ZNF280D: variants seen among roughly 807,000 people sequenced by gnomAD.
ZNF280D encodes the protein zinc finger protein 280D, also known as suppressor of hairy wing homolog 4.
A neutral mutation model predicts 94.7 loss-of-function variants in ZNF280D; 39 were observed. The ratio of observed to expected loss-of-function variants is 0.41; its 90% CI spans 0.32 to 0.54. ZNF280D has a LOEUF of 0.54. Ranked by LOEUF, ZNF280D falls within the 20% of genes least tolerant of loss-of-function variation. The probability of loss-of-function intolerance (pLI) is 0.22; values close to 1 mark genes in which losing one functional copy is unlikely to be tolerated. For synonymous variants in ZNF280D, 398 were observed against 377.6 expected, an observed-to-expected ratio of 1.05 and a Z score of -0.63; for missense variants, 1,090 against 1,149.3, an observed-to-expected ratio of 0.95 and a Z score of 0.75.
intron 1 of ZNF280D, among the ~76,000 whole-genome samples, chr15:56,716,743 C>G (rs1318343875): frequency 1.3e-5 from 2 of 152,086 alleles, no homozygotes; most frequent in Non-Finnish European, 2.9e-5. Flanking sequence ...CTATTCTATA[C>G]TAATCAACAC....
At chr15:56,672,488 T>C (rs2140930038) in intron 13 of ZNF280D, among the ~76,000 whole-genome samples, 1 of 152,222 alleles carries the variant, frequency 6.6e-6, no homozygotes, top group Non-Finnish European at 1.5e-5. Context: ...ATTTATTGAT[T>C]TGCATATGTC....
intron 20 of ZNF280D, among the ~76,000 whole-genome samples, chr15:56,638,985 A>G (rs1445623296): frequency 6.6e-6 from 1 of 152,064 alleles, no homozygotes; most frequent in East Asian, 1.9e-4. Context: ...AAATACCAAA[A>G]AAAACAAAAA....
At chr15:56,653,726 T>C (rs2140677320) in intron 19 of ZNF280D, 7 of 1,316,628 alleles carry the variant, frequency 5.3e-6, no homozygotes, top group East Asian at 3.0e-5. Context: ...AACAGCCATA[T>C]AATTTGGAAT....
At chr15:56,678,937 A>G in intron 10 of ZNF280D, 116 bp from the exon 11 acceptor site, 3 of 970,152 alleles carry the variant, frequency 3.1e-6, no homozygotes, top group Non-Finnish European at 2.8e-6. Flanking sequence ...CAAACTCTCA[A>G]AAGTCTTAAA....
intron 9 of ZNF280D, 51 bp downstream of exon 9, chr15:56,688,990 T>A: frequency 8.1e-7 from 1 of 1,237,700 alleles, no homozygotes; most frequent in Non-Finnish European, 1.2e-6. Flanking sequence ...ATCATCAGTA[T>A]TTTTAGAAAT....
At chr15:56,689,505 T>A (rs1871861) in intron 7 of ZNF280D, 35 bp from the exon 8 acceptor site, 1,284,489 of 1,287,252 alleles carry the variant, frequency 1, 640,917 homozygotes, top group East Asian at 1. Context: ...AAATATTTTT[T>A]AAAATTAGAA....
rs561728339 is a variant in ZNF280D at position 56,631,090 on chromosome 15, C to A, written c.*408G>T. 6.2e-6 allele frequency: 1 copy of A among 162,188 alleles called. No homozygotes were observed. The highest frequency in any genetic ancestry group is 5.8e-5 in the Admixed American group (1 of 17,246). 10.0% of individuals were successfully genotyped at this position (162,188 alleles called of 1,614,324 possible). On this transcript the variant is annotated 3_prime_UTR_variant, in exon 22 of 22. Transcript: ENST00000267807. ...CCCCAAAAGTACATGGTTTCCAAAT[C>A]CCTTCCTCTCAGTTAACTGAAAAGG...
chr15:56,716,117 T>A (rs1596644475), intron 1 of ZNF280D, among the ~76,000 whole-genome samples: 1 of 152,054 alleles, frequency 6.6e-6, no homozygotes, highest in East Asian at 1.9e-4. Flanking sequence ...CAATCCCTCA[T>A]GAATACTAAG....
At chr15:56,729,643 T>G (rs1341744739) in intron 1 of ZNF280D, 1 of 152,218 alleles carries the variant, frequency 6.6e-6, no homozygotes, top group Non-Finnish European at 1.5e-5. Context: ...CAGAGTATAC[T>G]TTCATTGTAC....
chr15:56,678,906 T>C (rs1330501079), intron 10 of ZNF280D, 85 bp from the exon 11 acceptor site: 26 of 1,285,224 alleles, frequency 2.0e-5, no homozygotes, highest in Non-Finnish European at 2.1e-6. Flanking sequence ...ACCTAAATCT[T>C]AAAAATATAG....
chr15:56,685,867 T>C (rs917899023), intron 9 of ZNF280D, among the ~76,000 whole-genome samples: 2 of 152,156 alleles, frequency 1.3e-5, no homozygotes, highest in Non-Finnish European at 1.5e-5. Context: ...ATCTATCATA[T>C]TGGTAAATCT....
rs1223970756 is a variant in ZNF280D at position 56,701,290 on chromosome 15, T to G, written c.176-52A>C. ...ATACATTGTTTGAATGAAATACATATTAAGATAATAGAAATCATGAATTGA... is the reference window on the plus strand; with the variant it reads ...ATACATTGTTTGAATGAAATACATAGTAAGATAATAGAAATCATGAATTGA... On this transcript the variant is annotated intron_variant, in intron 4 of 21. Transcript: ENST00000267807. The G allele has an allele frequency of 1.1e-5, 13 of 1,198,884 alleles. No individual in the cohort carries two copies. In the African/African-American group the frequency reaches 2.0e-4, roughly 18 times the overall value. 74.3% of individuals were successfully genotyped at this position (1,198,884 alleles called of 1,614,324 possible).
intron 13 of ZNF280D, among the ~76,000 whole-genome samples, chr15:56,669,909 A>T (rs2054626896): frequency 1.5e-4 from 1 of 6,800 alleles, no homozygotes; most frequent in Non-Finnish European, 2.8e-4. Context: ...TATAATATAT[A>T]TATATTATAT....
chr15:56,708,806 T>A (rs795033), intron 1 of ZNF280D, among the ~76,000 whole-genome samples: 2 of 151,924 alleles, frequency 1.3e-5, no homozygotes, highest in African/African-American at 2.4e-5. Flanking sequence ...GCTAGCCATA[T>A]GTAGAAAGCT....
At position 56,731,468 on chromosome 15, in the gene ZNF280D, C is replaced by T. The variant is rs367787320; in HGVS notation, c.-86+1990G>A. 3.6e-4 allele frequency among the ~76,000 whole-genome samples: 47 copies of T among 131,562 alleles called. No homozygotes were observed. The South Asian group carries it at 8.8e-3, about 25-fold the overall frequency. 86.3% of individuals were successfully genotyped at this position (131,562 alleles called of 152,430 possible). ...GATGCAGCGAGCCAAGACTGCTCCA[C>T]AGCGCTCCATCCTGGGACACAGAGC... On this transcript the variant is annotated intron_variant, in intron 1 of 21. Transcript: ENST00000267807.
Position 56,706,958 on chromosome 15 carries a change from T to C in ZNF280D, c.28+124A>G, listed in dbSNP as rs917648950. 46 of 837,108 alleles carry C rather than the reference T, an allele frequency of 5.5e-5. No homozygotes were observed. The African/African-American group carries it at 7.3e-4, about 13-fold the overall frequency. The allele number at this position is 837,108 out of a possible 1,614,324, so 51.9% of individuals were successfully genotyped here. A position where few individuals can be genotyped will look rare whatever the true frequency, so the allele number is the denominator to read the frequency against. On this transcript the variant is annotated intron_variant, in intron 3 of 21. Transcript: ENST00000267807. ...TTACTTGTTTTTATGTGAACATTTGTTACTTTAACAATTTTAAGCATTTTT... is the reference window on the plus strand; with the variant it reads ...TTACTTGTTTTTATGTGAACATTTGCTACTTTAACAATTTTAAGCATTTTT...
intron 9 of ZNF280D, among the ~76,000 whole-genome samples, chr15:56,684,680 C>A (rs1421529373): frequency 6.8e-6 from 1 of 147,406 alleles, no homozygotes; most frequent in African/African-American, 2.5e-5. Flanking sequence ...GTAGACATTG[C>A]AAATAAAATA....
rs2052096247 is a variant in ZNF280D, at chr15:56,631,967, A to T, written c.2471T>A (p.Ile824Asn). The change falls in exon 22 of 22, where the codon ATC becomes AAC. Residue 824 changes from isoleucine (I) to asparagine (N), a missense_variant. Coordinates refer to ENST00000267807, the MANE Select transcript of ZNF280D (RefSeq NM_017661.4). ...LADQETGSKN[I>N]VSCDSNIGAD... The stretch of plus-strand genomic sequence containing the variant: ...ACCAATATTTGAATCACAACTGACG[A>T]TGTTTTTTGAGCCAGTTTCCTGGTC... 1 of 1,613,852 alleles carries T rather than the reference A, an allele frequency of 6.2e-7. No homozygotes were observed. The highest frequency in any genetic ancestry group is 1.7e-5 in the Admixed American group (1 of 59,986).
chr15:56,666,740 G>C lies in ZNF280D; in HGVS notation c.1792C>G (p.Gln598Glu), dbSNP rs774678169. 14 of 1,612,960 alleles carry C rather than the reference G, an allele frequency of 8.7e-6. No individual in the cohort carries two copies. The highest frequency in any genetic ancestry group is 1.7e-6 in the Non-Finnish European group (2 of 1,179,680). ...TTATTGCTACTAGCCAATGTGCTTT[G>C]TTTCTTTTGCATATTAGAGATTTTT... ...KPKISNMQKK[Q>E]STLASSNKKS... The change falls in exon 15 of 22, where the codon CAA becomes GAA. Residue 598 changes from glutamine (Q) to glutamate (E), a missense_variant. Physicochemically the swap from Gln to Glu is conservative, Grantham distance 29. Around this residue, in one of 3 missense-constraint regions of ZNF280D, gnomAD observed 577 missense variants for 568.8 expected, o/e 1.01. Coordinates refer to ENST00000267807, the MANE Select transcript of ZNF280D (RefSeq NM_017661.4).
Sources: gnomAD v4.1 joint callset for allele counts (sites outside exome capture counted in the v4.1 genomes callset) on GRCh38, gnomAD v4.1.1 for gene constraint, gnomAD v4.1.1 regional missense constraint, MANE v1.5 for transcripts, NCBI Gene and HGNC (gene_info 2026-07-23, HGNC 2026-07-21) for gene names.